The following BFSP1 variants were observed in gnomAD, a reference collection of about 807,000 sequenced individuals.
BFSP1 encodes the protein beaded filament structural protein 1.
In BFSP1, 38 loss-of-function variants were observed where a neutral mutation model predicts 43.9. The observed-to-expected ratio is 0.87, with a 90% CI of 0.67 to 1.14. BFSP1 has a LOEUF of 1.14. BFSP1 is among the 50% of genes most tolerant of loss of function. BFSP1 has a pLI of 0.00. For synonymous variants in BFSP1, 352 were observed against 354.8 expected (o/e 0.99, Z 0.09); for missense variants, 850 against 875.1 (o/e 0.97, Z 0.36).
In BFSP1 at chr20:17,553,870, T is replaced by C. The variant is rs866298638; in HGVS notation, c.2+4818A>G. Reference sequence around the variant, plus strand: ...ATATACATATATATACACATATATATACATATATATATATACACACATATA... The same window carrying C: ...ATATACATATATATACACATATATACACATATATATATATACACACATATA... On this transcript the variant is annotated intron_variant, in intron 1 of 7. Coordinates refer to the BFSP1 transcript ENST00000377868. Among the ~76,000 whole-genome samples the C allele has an allele frequency of 8.1e-4, 63 of 78,158 alleles. 2 individuals are homozygous for C. The Middle Eastern group carries it at 0.02, about 24-fold the overall frequency. 51.3% of individuals were successfully genotyped at this position (78,158 alleles called of 152,430 possible).
chr20:17,547,897 A>ATTTTTTTTTTTTTTTTTTTT (rs71192391), intron 1 of BFSP1, among the ~76,000 whole-genome samples: 1 of 101,896 alleles, frequency 9.8e-6, no homozygotes, highest in Non-Finnish European at 1.8e-5. Context: ...TGCCCGGCCA[A>ATTTTTTTTTTTTTTTTTTTT]TTTTTTTTTT....
At chr20:17,559,567 G>T (rs767813377), upstream of BFSP1, among the ~76,000 whole-genome samples, 26 of 152,176 alleles carry the variant, frequency 1.7e-4, no homozygotes, top group Non-Finnish European at 3.4e-4. Flanking sequence ...TCCAGAGCAC[G>T]AGTCCCCACC....
chr20:17,549,607 G>A (rs2034862044), intron 1 of BFSP1, among the ~76,000 whole-genome samples: 2 of 152,138 alleles, frequency 1.3e-5, no homozygotes, highest in Admixed American at 1.3e-4. Flanking sequence ...AGGCCAAGGA[G>A]GGTGAATCAC....
At chr20:17,550,267 T>C (rs1422048026) in intron 1 of BFSP1, among the ~76,000 whole-genome samples, 1 of 152,088 alleles carries the variant, frequency 6.6e-6, no homozygotes, top group Non-Finnish European at 1.5e-5. Context: ...GAGTAGGGTG[T>C]CCTCAGAAAG....
At chr20:17,560,408 G>T (rs2035056654), upstream of BFSP1, 1 of 152,178 alleles carries the variant, frequency 6.6e-6, no homozygotes, top group Non-Finnish European at 1.5e-5. Context: ...ACATCTCCCT[G>T]GTGTGATCTG....
At chr20:17,497,582 G>GTATATATATACACGTATA (rs2033678334) in intron 6 of BFSP1, among the ~76,000 whole-genome samples, 1 of 124,594 alleles carries the variant, frequency 8.0e-6, no homozygotes, top group Admixed American at 7.8e-5. Flanking sequence ...GTATATATAC[G>GTATATATATACACGTATA]TATATATATA....
chr20:17,535,591 T>C (rs1287207172), upstream of BFSP1, among the ~76,000 whole-genome samples: 2 of 152,224 alleles, frequency 1.3e-5, no homozygotes, highest in Non-Finnish European at 2.9e-5. Flanking sequence ...ATGCAACTTA[T>C]TCTCAAATGA....
At chr20:17,532,904 AAGAT>A (rs909921402), upstream of BFSP1, among the ~76,000 whole-genome samples, 1 of 152,182 alleles carries the variant, frequency 6.6e-6, no homozygotes, top group African/African-American at 2.4e-5. Context: ...ATAGTTATCA[AAGAT>A]AGAGAAAGAA....
At chr20:17,566,802 T>C (rs924718352) in intron 1 of BFSP1, among the ~76,000 whole-genome samples, 1 of 152,160 alleles carries the variant, frequency 6.6e-6, no homozygotes, top group African/African-American at 2.4e-5. Context: ...TACAGGTGCC[T>C]GCCACCACGC....
Position 17,542,427 on chromosome 20 carries a change from C to CA in BFSP1, c.2+16260dup, listed in dbSNP as rs3076281. On this transcript the variant is annotated intron_variant, in intron 1 of 7. Coordinates refer to the BFSP1 transcript ENST00000377868. ...CAACATACAGAGACCTCATCTCTAC[C>CA]AAAAAAAAAAAAAAAAAAAAAATTC... Among the ~76,000 whole-genome samples the CA allele has an allele frequency of 9.9e-3, 1,140 of 114,762 alleles. 5 individuals carry two copies. The highest frequency in any genetic ancestry group is 0.018 in the African/African-American group (524 of 29,898). The allele number at this position is 114,762 out of a possible 152,430, so 75.3% of individuals were successfully genotyped here. A position where few individuals can be genotyped will look rare whatever the true frequency, so the allele number is the denominator to read the frequency against.
chr20:17,547,056 T>C (rs1038592890), intron 1 of BFSP1, among the ~76,000 whole-genome samples: 1 of 136,718 alleles, frequency 7.3e-6, no homozygotes, highest in Non-Finnish European at 1.6e-5. Context: ...AAGATTTGGG[T>C]GGGGACACAG....
chr20:17,520,981 A>G (rs970830345), intron 2 of BFSP1, among the ~76,000 whole-genome samples: 6 of 152,208 alleles, frequency 3.9e-5, no homozygotes, highest in Non-Finnish European at 8.8e-5. Flanking sequence ...TTGACTAGAA[A>G]CCACATCATT....
At chr20:17,504,664 G>A (rs2033887224) in intron 5 of BFSP1, among the ~76,000 whole-genome samples, 1 of 152,246 alleles carries the variant, frequency 6.6e-6, no homozygotes, top group Admixed American at 6.5e-5. Context: ...AGGAGACGAA[G>A]AGAAGAGAGG....
In BFSP1 at chr20:17,525,824, G is replaced by A. The variant is rs1181906143; in HGVS notation, c.378-916C>T. 6.6e-6 allele frequency among the ~76,000 whole-genome samples: 1 copy of A among 152,138 alleles called. No homozygotes were observed. The highest frequency in any genetic ancestry group is 2.4e-5 in the African/African-American group (1 of 41,426). On this transcript the variant is annotated intron_variant, in intron 1 of 7. Coordinates refer to ENST00000377873, the MANE Select transcript of BFSP1 (RefSeq NM_001195.5). This position sits in a 1 kb window ranked among gnomAD's most constrained non-coding sequence, Gnocchi z 4.2. Reference sequence around the variant, plus strand: ...ACTACATTTTCCAGCATTCCTTGCAGCCAGGTGTGGCCATGTGACTAAGTC... The same window carrying A: ...ACTACATTTTCCAGCATTCCTTGCAACCAGGTGTGGCCATGTGACTAAGTC...
intron 1 of BFSP1, among the ~76,000 whole-genome samples, chr20:17,554,917 G>A (rs6034848): frequency 0.54 from 81,960 of 152,012 alleles, 22,696 homozygotes; most frequent in African/African-American, 0.68. Flanking sequence ...TCAAATGTTT[G>A]TCTTTAATAA....
chr20:17,529,047 T>C (rs2034478169), intron 1 of BFSP1, among the ~76,000 whole-genome samples: 1 of 144,252 alleles, frequency 6.9e-6, no homozygotes, highest in South Asian at 2.1e-4. Flanking sequence ...TGGATGAATA[T>C]CTTACATGGT....
intron 5 of BFSP1, among the ~76,000 whole-genome samples, chr20:17,503,917 A>G (rs1339292568): frequency 1.3e-5 from 2 of 152,228 alleles, no homozygotes; most frequent in Non-Finnish European, 2.9e-5. Context: ...ACCACAAAGC[A>G]TCACAGAATG....
At chr20:17,547,485 T>C (rs545366405) in intron 1 of BFSP1, among the ~76,000 whole-genome samples, 1 of 152,304 alleles carries the variant, frequency 6.6e-6, no homozygotes, top group Non-Finnish European at 1.5e-5. Flanking sequence ...TTCAGAACTG[T>C]TGAAGCCTGG....
At chr20:17,521,894 A>C (rs1222101379) in intron 2 of BFSP1, among the ~76,000 whole-genome samples, 1 of 152,112 alleles carries the variant, frequency 6.6e-6, no homozygotes, top group Non-Finnish European at 1.5e-5. Flanking sequence ...CTGAACCATC[A>C]CTATGAGGGG....
Sources: gnomAD v4.1 joint callset for allele counts (sites outside exome capture counted in the v4.1 genomes callset) on GRCh38, gnomAD v4.1.1 for gene constraint, Gnocchi (gnomAD v3.1) non-coding constraint, MANE v1.5 for transcripts, NCBI Gene and HGNC (gene_info 2026-07-23, HGNC 2026-07-21) for gene names.